Variants in SPG11 observed in about 807,000 individuals in gnomAD.
The protein encoded by SPG11 is SPG11 vesicle trafficking associated, spatacsin, also known as spatacsin.
A neutral mutation model predicts 274.0 loss-of-function variants in SPG11; 222 were observed. The observed-to-expected ratio is 0.81, with a 90% CI of 0.73 to 0.91. SPG11 has a LOEUF of 0.91. Ranked by LOEUF, SPG11 falls within the 40% of genes least tolerant of loss-of-function variation. SPG11 has a pLI of 0.00. For synonymous variants in SPG11, 1,144 were observed against 1,039.7 expected, an observed-to-expected ratio of 1.10 and a Z score of -1.93; for missense variants, 3,114 against 2,872.7, an observed-to-expected ratio of 1.08 and a Z score of -1.92.
At chr15:44,662,600 A>T (rs987442866) in intron 1 of SPG11, among the ~76,000 whole-genome samples, 1 of 149,042 alleles carries the variant, frequency 6.7e-6, no homozygotes, top group African/African-American at 2.5e-5. Flanking sequence ...GCTGCCGTGA[A>T]CCGTGACTGA....
chr15:44,609,943 C>G (rs1432970616), intron 18 of SPG11, among the ~76,000 whole-genome samples: 4 of 139,294 alleles, frequency 2.9e-5, no homozygotes, highest in Non-Finnish European at 6.1e-5. Flanking sequence ...TGCTCTGTCA[C>G]AGAGGCTGGA....
Position 44,570,637 on chromosome 15 carries a change from G to A in SPG11, c.6365C>T (p.Ala2122Val), listed in dbSNP as rs1253367177. ...LSCTTELLIL[A>V]HHCFTLTCHM... Reference sequence around the variant, plus strand: ...GCACGTCAGGGTGAAGCAATGATGGGCCAGGATCAGGAGCTCTGTGGCTGG... The same window carrying A: ...GCACGTCAGGGTGAAGCAATGATGGACCAGGATCAGGAGCTCTGTGGCTGG... The change falls in exon 34 of 40, where the codon GCC (alanine) becomes GTC (valine). Residue 2122 changes from alanine to valine, a missense_variant. Physicochemically the swap from Ala to Val is moderately conservative, Grantham distance 64. Transcript: ENST00000261866. 2 of 1,614,028 alleles carry A rather than the reference G, an allele frequency of 1.2e-6. No homozygotes were observed. Among genetic ancestry groups the A allele is most frequent in the Non-Finnish European group, 1.7e-6 (2 of 1,179,990 alleles).
Position 44,660,605 on chromosome 15 carries a change from T to A in SPG11, c.269A>T (p.Glu90Val), listed in dbSNP as rs376301853. ...TGGTGTGCTGCTGTTACGAGAATCC[T>A]CCCATAGAAAGCTAAGAAAAAAAGT... ...LEGPFWHFLW[E>V]DSRNSSTPTE... Residue 90 changes from glutamate to valine, a missense_variant, in exon 2 of 40, where the codon GAG becomes GTG. By Grantham distance (121) the Glu-to-Val change is moderately radical (BLOSUM62 -2). Transcript: ENST00000261866. The A allele has an allele frequency of 6.2e-7, 1 of 1,613,954 alleles. No homozygotes were observed. Among genetic ancestry groups the A allele is most frequent in the Non-Finnish European group, 8.5e-7 (1 of 1,180,014 alleles).
intron 30 of SPG11, among the ~76,000 whole-genome samples, chr15:44,581,382 T>C (rs1406032186): frequency 6.6e-6 from 1 of 151,960 alleles, no homozygotes; most frequent in Admixed American, 6.6e-5. Context: ...AATTTTTGTA[T>C]TTTTTGTAGT....
chr15:44,601,652 G>A (rs2083192910), intron 20 of SPG11, among the ~76,000 whole-genome samples: 1 of 151,604 alleles, frequency 6.6e-6, no homozygotes, highest in African/African-American at 2.4e-5. Flanking sequence ...CCGCCTCCTG[G>A]GTTCAAGTGA....
intron 30 of SPG11, among the ~76,000 whole-genome samples, chr15:44,579,675 G>C (rs2082620806): frequency 6.6e-6 from 1 of 151,914 alleles, no homozygotes; most frequent in East Asian, 1.9e-4. Context: ...GTTCCAATAA[G>C]CAATTCTGAA....
At chr15:44,658,345 T>G (rs1213580622) in intron 3 of SPG11, among the ~76,000 whole-genome samples, 2 of 152,184 alleles carry the variant, frequency 1.3e-5, no homozygotes, top group Non-Finnish European at 2.9e-5. Flanking sequence ...ACCCATAATA[T>G]TTTCTAAGAT....
At chr15:44,563,597 C>T (rs1198648878) in intron 39 of SPG11, among the ~76,000 whole-genome samples, 3 of 152,014 alleles carry the variant, frequency 2.0e-5, no homozygotes, top group Non-Finnish European at 4.4e-5. Flanking sequence ...CTTGGCCTCC[C>T]AAAGTGCTGG....
At chr15:44,623,623 G>A (rs1020330895) in intron 11 of SPG11, among the ~76,000 whole-genome samples, 6 of 152,066 alleles carry the variant, frequency 3.9e-5, no homozygotes, top group Non-Finnish European at 8.8e-5. Context: ...GATGTTAAGG[G>A]GTCACATGAA....
chr15:44,605,764 G>A (rs755879864), intron 20 of SPG11, among the ~76,000 whole-genome samples: 9 of 152,170 alleles, frequency 5.9e-5, no homozygotes, highest in East Asian at 1.9e-4. Flanking sequence ...TGGAAATGAA[G>A]AATAACTTTT....
intron 16 of SPG11, 120 bp from the exon 17 acceptor site, chr15:44,613,656 A>AT (rs1333567675): frequency 1.5e-6 from 1 of 649,986 alleles, no homozygotes; most frequent in Admixed American, 2.6e-5. Context: ...AAAAGTAAAT[A>AT]TAACACAAAA....
chr15:44,567,120 C>T (rs1054752204), intron 36 of SPG11, among the ~76,000 whole-genome samples: 12 of 151,684 alleles, frequency 7.9e-5, no homozygotes, highest in Admixed American at 5.2e-4. Flanking sequence ...GGGAGGCCAA[C>T]GTGGGCAGTT....
chr15:44,629,604 T>G (rs867206529), intron 8 of SPG11, among the ~76,000 whole-genome samples: 2 of 152,226 alleles, frequency 1.3e-5, no homozygotes, highest in Non-Finnish European at 2.9e-5. Flanking sequence ...TCACTGCTAT[T>G]ACCCTTTTGC....
chr15:44,590,482 T>C (rs1024937218), intron 27 of SPG11: 5 of 152,138 alleles, frequency 3.3e-5, no homozygotes, highest in African/African-American at 1.2e-4. Context: ...TTCACTATGT[T>C]GCCCAGGCTG....
intron 11 of SPG11, 117 bp downstream of exon 11, chr15:44,626,214 C>A: frequency 1.1e-6 from 1 of 871,836 alleles, no homozygotes; most frequent in Non-Finnish European, 1.7e-6. Context: ...TTCTTAGTGT[C>A]ATTATTTACT....
chr15:44,631,306 T>A (rs1276496953), intron 8 of SPG11, among the ~76,000 whole-genome samples: 1 of 152,158 alleles, frequency 6.6e-6, no homozygotes, highest in African/African-American at 2.4e-5. Context: ...TCATATTTAG[T>A]AAGTATATAT....
chr15:44,629,189 C>G, intron 9 of SPG11, 44 bp downstream of exon 9: 1 of 1,599,674 alleles, frequency 6.3e-7, no homozygotes, highest in Non-Finnish European at 8.6e-7. Context: ...TCTGTTCTGA[C>G]ACAGGAACAG....
intron 8 of SPG11, among the ~76,000 whole-genome samples, chr15:44,632,155 T>C (rs1341235959): frequency 6.6e-6 from 1 of 152,116 alleles, no homozygotes; most frequent in Non-Finnish European, 1.5e-5. Flanking sequence ...AACGTCATTA[T>C]CACGCTGATT....
At chr15:44,596,014 C>A in intron 25 of SPG11, 69 bp downstream of exon 25, 1 of 1,594,108 alleles carries the variant, frequency 6.3e-7, no homozygotes, top group Non-Finnish European at 8.6e-7. Context: ...GATTATCAGC[C>A]TTTCCTGTCC....
Sources: gnomAD v4.1 joint callset for allele counts (sites outside exome capture counted in the v4.1 genomes callset) on GRCh38, gnomAD v4.1.1 for gene constraint, MANE v1.5 for transcripts, NCBI Gene and HGNC (gene_info 2026-07-23, HGNC 2026-07-21) for gene names.